The following SYNPR variants were observed in gnomAD, a reference collection of about 807,000 sequenced individuals.
The protein encoded by SYNPR is synaptoporin.
SYNPR carries 23 observed loss-of-function variants against 32.9 expected under a neutral mutation model. The ratio of observed to expected loss-of-function variants is 0.70; its 90% CI spans 0.50 to 0.99. The LOEUF is 0.99. SYNPR is among the 50% of genes least tolerant of loss of function. The pLI is 0.00. For synonymous variants in SYNPR, 146 were observed against 135.9 expected (o/e 1.07, Z -0.52); for missense variants, 318 against 349.3 (o/e 0.91, Z 0.71).
intron 2 of SYNPR, among the ~76,000 whole-genome samples, chr3:63,299,466 T>C (rs187773330): frequency 2.0e-5 from 3 of 152,268 alleles, no homozygotes; most frequent in South Asian, 2.1e-4. Context: ...AGTATCTGTC[T>C]CAAACCTGAT....
chr3:63,404,251 C>T (rs1482443554), intron 2 of SYNPR, among the ~76,000 whole-genome samples: 1 of 152,122 alleles, frequency 6.6e-6, no homozygotes, highest in Non-Finnish European at 1.5e-5. Flanking sequence ...GCTGGATCCA[C>T]ATCTAGAATG....
chr3:63,242,087 C>G (rs534330055), intron 1 of SYNPR, among the ~76,000 whole-genome samples: 3 of 151,834 alleles, frequency 2.0e-5, no homozygotes, highest in Non-Finnish European at 4.4e-5. Context: ...AGGAAAGAAC[C>G]CCTTCTAATT....
chr3:63,536,372 C>T (rs1041042001), intron 3 of SYNPR, among the ~76,000 whole-genome samples: 3 of 152,128 alleles, frequency 2.0e-5, no homozygotes, highest in African/African-American at 7.2e-5. Context: ...AGGTGCTCAG[C>T]ATCATTACTC....
At chr3:63,597,063 A>C (rs1699973187) in intron 4 of SYNPR, among the ~76,000 whole-genome samples, 1 of 152,164 alleles carries the variant, frequency 6.6e-6, no homozygotes, top group African/African-American at 2.4e-5. Context: ...TTGTTGTATT[A>C]ATATGTTATA....
chr3:63,459,512 C>T (rs1306597256), intron 2 of SYNPR, among the ~76,000 whole-genome samples: 1 of 152,144 alleles, frequency 6.6e-6, no homozygotes, highest in Non-Finnish European at 1.5e-5. Flanking sequence ...CTAGCATTGG[C>T]TCCTGCAGCA....
intron 2 of SYNPR, among the ~76,000 whole-genome samples, chr3:63,257,450 T>A (rs1175926509): frequency 2.0e-5 from 3 of 152,080 alleles, no homozygotes; most frequent in Non-Finnish European, 4.4e-5. Context: ...AACCCAGAAT[T>A]TCATATCCAG....
intron 2 of SYNPR, among the ~76,000 whole-genome samples, chr3:63,258,826 C>A (rs1448749465): frequency 6.6e-6 from 1 of 151,890 alleles, no homozygotes; most frequent in Non-Finnish European, 1.5e-5. Flanking sequence ...AGACCGCTAG[C>A]AAGACTAATA....
chr3:63,600,525 C>G (rs1700024865), intron 4 of SYNPR, among the ~76,000 whole-genome samples: 1 of 151,064 alleles, frequency 6.6e-6, no homozygotes, highest in African/African-American at 2.5e-5. Flanking sequence ...TGTGTCCCCA[C>G]CCAAAATCTC....
intron 2 of SYNPR, among the ~76,000 whole-genome samples, chr3:63,346,548 T>C (rs976407567): frequency 2.0e-5 from 3 of 152,152 alleles, no homozygotes; most frequent in African/African-American, 7.2e-5. Context: ...CTCGGCTCAC[T>C]GAAACCTCCG....
chr3:63,492,557 T>C (rs1701275370), intron 3 of SYNPR, among the ~76,000 whole-genome samples: 1 of 152,198 alleles, frequency 6.6e-6, no homozygotes, highest in African/African-American at 2.4e-5. Flanking sequence ...GAACAGTCTT[T>C]TAAAGACCAG....
intron 2 of SYNPR, among the ~76,000 whole-genome samples, chr3:63,380,192 G>A (rs2087948050): frequency 6.6e-6 from 1 of 151,978 alleles, no homozygotes; most frequent in Admixed American, 6.6e-5. Flanking sequence ...TAATCGTTTG[G>A]GTATATACTC....
chr3:63,420,327 A>T (rs1699765303), intron 2 of SYNPR, among the ~76,000 whole-genome samples: 1 of 152,214 alleles, frequency 6.6e-6, no homozygotes, highest in Admixed American at 6.5e-5. Context: ...TATAGCAAGG[A>T]TATTATAATT....
At chr3:63,248,993 G>A (rs1260839089) in intron 1 of SYNPR, among the ~76,000 whole-genome samples, 4 of 152,054 alleles carry the variant, frequency 2.6e-5, no homozygotes, top group African/African-American at 9.7e-5. Context: ...ATATTCAGTT[G>A]CTGTCAAATG....
intron 3 of SYNPR, among the ~76,000 whole-genome samples, chr3:63,511,722 GA>G (rs1447943976): frequency 1.3e-5 from 2 of 152,100 alleles, no homozygotes; most frequent in Non-Finnish European, 2.9e-5. Context: ...GGCCTAAGAA[GA>G]AACTTATAAT....
At chr3:63,273,221 A>G (rs1290356890) in intron 3 of SYNPR, among the ~76,000 whole-genome samples, 1 of 152,208 alleles carries the variant, frequency 6.6e-6, no homozygotes, top group Non-Finnish European at 1.5e-5. Flanking sequence ...TGACATTTTC[A>G]AAATTGCAAT....
intron 2 of SYNPR, among the ~76,000 whole-genome samples, chr3:63,302,578 A>C (rs2367789): frequency 0.74 from 112,847 of 151,886 alleles, 43,061 homozygotes; most frequent in Non-Finnish European, 0.83. Flanking sequence ...GGCATATGAT[A>C]TATCACAGTC....
At chr3:63,395,373 A>G (rs2088197997) in intron 2 of SYNPR, among the ~76,000 whole-genome samples, 1 of 152,158 alleles carries the variant, frequency 6.6e-6, no homozygotes, top group Non-Finnish European at 1.5e-5. Flanking sequence ...GGTTCCACAC[A>G]TTTTCAGTGT....
chr3:63,261,711 TATAATA>T (rs60616720), intron 2 of SYNPR, among the ~76,000 whole-genome samples: 196 of 145,336 alleles, frequency 1.3e-3, no homozygotes, highest in African/African-American at 2.9e-3. Context: ...AAACTTAAAG[TATAATA>T]ATAATAATAA....
chr3:63,362,448 G>A (rs2087674130), intron 2 of SYNPR, among the ~76,000 whole-genome samples: 3 of 152,036 alleles, frequency 2.0e-5, no homozygotes, highest in Admixed American at 2.0e-4. Context: ...AAGATAAATA[G>A]TACAATAATC....
Sources: gnomAD v4.1 joint callset for allele counts (sites outside exome capture counted in the v4.1 genomes callset) on GRCh38, gnomAD v4.1.1 for gene constraint, MANE v1.5 for transcripts, NCBI Gene and HGNC (gene_info 2026-07-23, HGNC 2026-07-21) for gene names.